XKR9: variants seen among roughly 807,000 people sequenced by gnomAD.
XKR9 encodes the protein XK related 9, also known as XK-related protein 9.
A neutral mutation model predicts 32.0 loss-of-function variants in XKR9; 32 were observed. The ratio of observed to expected loss-of-function variants is 1.00; its 90% CI spans 0.76 to 1.34. The LOEUF is 1.34. XKR9 is among the 40% of genes most tolerant of loss of function. XKR9 has a pLI of 0.00. For missense variants in XKR9, 546 were observed against 429.7 expected, an observed-to-expected ratio of 1.27 and a Z score of -2.39; for synonymous variants, 168 against 143.4, an observed-to-expected ratio of 1.17 and a Z score of -1.22.
the XKR9 span, among the ~76,000 whole-genome samples, chr8:70,867,848 T>TC: frequency 2.0e-5 from 3 of 152,164 alleles, no homozygotes; most frequent in African/African-American, 7.2e-5. Flanking sequence ...CCTATGAGCT[T>TC]CTAAAATCAA....
At chr8:70,933,300 A>G in the XKR9 span, among the ~76,000 whole-genome samples, 4 of 152,156 alleles carry the variant, frequency 2.6e-5, no homozygotes, top group African/African-American at 7.2e-5. Context: ...ATCCTACACC[A>G]CGAGTGTTAG....
At chr8:70,701,379 G>A (rs1805529346) in intron 3 of XKR9, among the ~76,000 whole-genome samples, 1 of 152,150 alleles carries the variant, frequency 6.6e-6, no homozygotes, top group African/African-American at 2.4e-5. Flanking sequence ...TGTAGGTCAG[G>A]TTGTTTCCTT....
the XKR9 span, among the ~76,000 whole-genome samples, chr8:70,893,384 T>G: frequency 6.6e-6 from 1 of 152,242 alleles, no homozygotes; most frequent in African/African-American, 2.4e-5. Context: ...ACGATGTTCC[T>G]CTGGTGCTGT....
At chr8:71,050,298 TATATAG>T in the XKR9 span, among the ~76,000 whole-genome samples, 1,147 of 92,730 alleles carry the variant, frequency 0.012, 10 homozygotes, top group African/African-American at 0.036. Context: ...TATAGATATA[TATATAG>T]ATATAGATAT....
chr8:70,959,275 A>T, the XKR9 span, among the ~76,000 whole-genome samples: 1 of 152,196 alleles, frequency 6.6e-6, no homozygotes, highest in Admixed American at 6.5e-5. Context: ...ATTCCCACAT[A>T]TAGGCATCTA....
chr8:70,788,907 A>G (rs1442051632), intron 2 of XKR9, among the ~76,000 whole-genome samples: 1 of 152,116 alleles, frequency 6.6e-6, no homozygotes, highest in Non-Finnish European at 1.5e-5. Flanking sequence ...GAAACAAACT[A>G]AAATCTGAAC....
chr8:70,990,879 C>T, the XKR9 span, among the ~76,000 whole-genome samples: 2 of 152,146 alleles, frequency 1.3e-5, no homozygotes, highest in Non-Finnish European at 2.9e-5. Context: ...TGGAGACTCA[C>T]CCCTCTTCCC....
chr8:70,969,339 T>C, the XKR9 span, among the ~76,000 whole-genome samples: 3 of 152,178 alleles, frequency 2.0e-5, no homozygotes, highest in Non-Finnish European at 4.4e-5. Flanking sequence ...CCAGCCACAC[T>C]GATTAAAGGG....
intron 4 of XKR9, among the ~76,000 whole-genome samples, chr8:70,729,268 C>T (rs1806581709): frequency 6.6e-6 from 1 of 152,082 alleles, no homozygotes; most frequent in African/African-American, 2.4e-5. Context: ...CAAATATGCT[C>T]CAAATTTTGT....
At chr8:70,694,870 C>T (rs1805204752) in intron 3 of XKR9, among the ~76,000 whole-genome samples, 1 of 152,162 alleles carries the variant, frequency 6.6e-6, no homozygotes, top group Non-Finnish European at 1.5e-5. Flanking sequence ...TGCTGGAAAG[C>T]CCTAGTATCT....
At chr8:70,949,278 G>C in the XKR9 span, among the ~76,000 whole-genome samples, 7,740 of 151,928 alleles carry the variant, frequency 0.051, 320 homozygotes, top group South Asian at 0.19. Flanking sequence ...TCTTTTTCTT[G>C]TTGATGCTTT....
At chr8:70,732,747 G>A (rs1243157162) in intron 4 of XKR9, among the ~76,000 whole-genome samples, 2 of 152,176 alleles carry the variant, frequency 1.3e-5, no homozygotes, top group Admixed American at 6.5e-5. Context: ...GCATGCAAAT[G>A]TATTTATAAA....
At chr8:70,973,616 T>C in the XKR9 span, among the ~76,000 whole-genome samples, 1 of 152,298 alleles carries the variant, frequency 6.6e-6, no homozygotes, top group African/African-American at 2.4e-5. Context: ...AACTTTCCTC[T>C]TAACACTGCT....
chr8:71,012,423 A>C, the XKR9 span, among the ~76,000 whole-genome samples: 2 of 152,166 alleles, frequency 1.3e-5, no homozygotes, highest in African/African-American at 4.8e-5. Flanking sequence ...ATTCCAGGGA[A>C]AAGTGCACCA....
the XKR9 span, among the ~76,000 whole-genome samples, chr8:71,036,626 G>A: frequency 6.6e-6 from 1 of 152,214 alleles, no homozygotes; most frequent in Non-Finnish European, 1.5e-5. Context: ...TTAGGGTTTT[G>A]TGAGGACTAA....
chr8:70,820,655 A>T, the XKR9 span, among the ~76,000 whole-genome samples: 2 of 152,182 alleles, frequency 1.3e-5, no homozygotes, highest in Non-Finnish European at 2.9e-5. Flanking sequence ...AGGAAACTTA[A>T]AATCATGGCG....
chr8:70,765,964 A>G (rs913529683), intron 2 of XKR9, among the ~76,000 whole-genome samples: 2 of 152,008 alleles, frequency 1.3e-5, no homozygotes, highest in African/African-American at 4.8e-5. Flanking sequence ...CCATTGTTCT[A>G]TATGTCTGTT....
At chr8:70,814,776 G>A in the XKR9 span, among the ~76,000 whole-genome samples, 4 of 152,326 alleles carry the variant, frequency 2.6e-5, no homozygotes, top group Admixed American at 6.5e-5. Flanking sequence ...GAAATAAGTG[G>A]TATCCAAAGT....
chr8:70,956,870 GC>G, the XKR9 span, among the ~76,000 whole-genome samples: 1 of 152,294 alleles, frequency 6.6e-6, no homozygotes, highest in African/African-American at 2.4e-5. Flanking sequence ...GGCTTCTAGG[GC>G]CCCTGAGAGC....
Sources: allele counts gnomAD v4.1 joint callset (sites outside exome capture counted in the v4.1 genomes callset), GRCh38; gene constraint gnomAD v4.1.1; transcripts MANE v1.5; gene names NCBI Gene and HGNC (gene_info 2026-07-23, HGNC 2026-07-21).